PAK4: variants seen among roughly 807,000 people sequenced by gnomAD.
PAK4 encodes p21 (RAC1) activated kinase 4, also known as serine/threonine-protein kinase PAK 4.
Under a neutral mutation model 53.5 loss-of-function variants are expected in PAK4, and 49 were observed. The ratio of observed to expected loss-of-function variants is 0.92; its 90% confidence interval spans 0.73 to 1.16. The LOEUF (loss-of-function observed/expected upper bound fraction) is 1.16, where lower values mean the gene tolerates loss of function less well. PAK4 is among the 50% of genes most tolerant of loss of function. The pLI, the probability that PAK4 is intolerant of heterozygous loss-of-function variation, is 0.00. For missense variants in PAK4, 824 were observed against 850.7 expected (o/e 0.97, Z 0.39); for synonymous variants, 376 against 375.6 (o/e 1.00, Z -0.01).
Position 39,173,804 on chromosome 19 carries a change from C to A in PAK4, c.892C>A (p.Arg298=). ...CCGCTCACCACAGCGGGAGCCACAG[C>A]GAGTATCCCATGAGCAGTTCCGGGC... Residue 298 remains arginine, a synonymous_variant, in exon 4 of 9, where the codon CGA becomes AGA. Coordinates refer to ENST00000358301, the Ensembl canonical transcript of PAK4. The surrounding 1 kb of genome is among the most constrained non-coding windows in gnomAD (Gnocchi z 6.9). 6.2e-7 allele frequency: 1 copy of A among 1,610,642 alleles called. No homozygotes were observed. Among genetic ancestry groups the A allele is most frequent in the Non-Finnish European group, 8.5e-7 (1 of 1,179,282 alleles).
At chr19:39,126,690 C>T (rs1411063378) in intron 1 of PAK4, among the ~76,000 whole-genome samples, 1 of 152,092 alleles carries the variant, frequency 6.6e-6, no homozygotes, top group Non-Finnish European at 1.5e-5. Flanking sequence ...ATTCTAACTC[C>T]GGAGTTCTGG....
intron 1 of PAK4, among the ~76,000 whole-genome samples, chr19:39,167,612 TG>T (rs1296713897): frequency 6.6e-6 from 1 of 152,130 alleles, no homozygotes; most frequent in Non-Finnish European, 1.5e-5. Flanking sequence ...CTGGGAGCCT[TG>T]GCCAGGCCCG....
intron 1 of PAK4, among the ~76,000 whole-genome samples, chr19:39,166,908 C>T (rs1218922241): frequency 6.6e-6 from 1 of 152,244 alleles, no homozygotes; most frequent in African/African-American, 2.4e-5. Flanking sequence ...TTCAGTTCCT[C>T]TGTTTGTCCT....
chr19:39,131,105 G>A (rs1294922431), intron 1 of PAK4, among the ~76,000 whole-genome samples: 4 of 152,096 alleles, frequency 2.6e-5, no homozygotes, highest in Admixed American at 6.5e-5. Flanking sequence ...AGAGAGGTAC[G>A]GGACTTGCTT....
chr19:39,171,500 C>T (rs2074478565), intron 2 of PAK4, among the ~76,000 whole-genome samples: 1 of 152,220 alleles, frequency 6.6e-6, no homozygotes, highest in Admixed American at 6.5e-5. Flanking sequence ...CTGCTTCTTG[C>T]CTCAACGCCC....
At chr19:39,160,419 G>T (rs578048625) in intron 1 of PAK4, among the ~76,000 whole-genome samples, 52 of 152,340 alleles carry the variant, frequency 3.4e-4, no homozygotes, top group African/African-American at 1.2e-3. Context: ...GGCACTGCCA[G>T]TCAGTAGGTG....
chr19:39,126,126 G>A (rs1207295028), intron 1 of PAK4, among the ~76,000 whole-genome samples: 3 of 152,100 alleles, frequency 2.0e-5, no homozygotes, highest in African/African-American at 7.2e-5. Flanking sequence ...CGTGGCGAAG[G>A]GGAGTGCAAA....
chr19:39,150,732 AT>A (rs1435898117), intron 1 of PAK4, among the ~76,000 whole-genome samples: 1 of 152,132 alleles, frequency 6.6e-6, no homozygotes, highest in Admixed American at 6.6e-5. Flanking sequence ...TCTAAAAAAA[AT>A]AAATTAATAA....
chr19:39,152,334 C>T (rs1179160399), intron 1 of PAK4: 1 of 152,188 alleles, frequency 6.6e-6, no homozygotes, highest in Admixed American at 6.5e-5. Flanking sequence ...TCTGTGGCTA[C>T]TCAGTAGCTT....
intron 1 of PAK4, among the ~76,000 whole-genome samples, chr19:39,157,633 T>C (rs1049064106): frequency 1.3e-5 from 2 of 152,230 alleles, no homozygotes; most frequent in East Asian, 3.8e-4. Context: ...ACGGAGGCTC[T>C]TGGTAAATGT....
At chr19:39,167,428 G>A (rs2074395681) in intron 1 of PAK4, among the ~76,000 whole-genome samples, 1 of 152,166 alleles carries the variant, frequency 6.6e-6, no homozygotes, top group East Asian at 1.9e-4. Flanking sequence ...AAAGCCATGA[G>A]AGAGTAGGTC....
Position 39,175,102 on chromosome 19 carries a change from C to T in PAK4, c.1232+38C>T, listed in dbSNP as rs1600409365. On this transcript the variant is annotated intron_variant, in intron 5 of 8. Transcript: ENST00000358301. The surrounding 1 kb of genome is among the most constrained non-coding windows in gnomAD (Gnocchi z 4.7). ...CCTCAGACCCCTCCTGTGACACGAC[C>T]AAGTCCCCTCCAGACCACTAGGGGT... 1 of 1,580,418 alleles carries T rather than the reference C, an allele frequency of 6.3e-7. No homozygotes were observed. The highest frequency in any genetic ancestry group is 8.6e-7 in the Non-Finnish European group (1 of 1,162,700).
intron 1 of PAK4, among the ~76,000 whole-genome samples, chr19:39,141,445 A>G (rs2073908081): frequency 6.7e-6 from 1 of 150,168 alleles, no homozygotes; most frequent in South Asian, 2.1e-4. Context: ...CCTCCCGAGT[A>G]GCTGGGACTA....
At chr19:39,172,443 C>G (rs373273946) in intron 2 of PAK4, among the ~76,000 whole-genome samples, 1 of 152,148 alleles carries the variant, frequency 6.6e-6, no homozygotes, top group Non-Finnish European at 1.5e-5. Flanking sequence ...CCCTGTCCCC[C>G]ACTCCTTGTT....
chr19:39,149,795 G>C (rs973181971), intron 1 of PAK4, among the ~76,000 whole-genome samples: 4 of 152,194 alleles, frequency 2.6e-5, no homozygotes, highest in Non-Finnish European at 5.9e-5. Context: ...GGCGGAGGTT[G>C]CAGTGAGCTG....
intron 8 of PAK4, 27 bp downstream of exon 9, chr19:39,177,836 G>A (rs369883675): frequency 6.3e-7 from 1 of 1,590,422 alleles, no homozygotes; most frequent in Non-Finnish European, 8.6e-7. Flanking sequence ...CTGGGAAACT[G>A]TGCGCCAGCT....
rs916899674 is a variant in PAK4, at chr19:39,178,128, A to G, written c.1621-296A>G. The stretch of plus-strand genomic sequence containing the variant: ...TAGTGGAGGACTTGCCAGGAGGGAA[A>G]GGGGCACCTCTGGGCCCCAGTTGCT... On this transcript the variant is annotated intron_variant, in intron 8 of 8. Transcript: ENST00000358301. This position sits in a 1 kb window ranked among gnomAD's most constrained non-coding sequence, Gnocchi z 4.4. Among the ~76,000 whole-genome samples the G allele has an allele frequency of 1.3e-5, 2 of 152,146 alleles. No individual in the cohort carries two copies. Among genetic ancestry groups the G allele is most frequent in the African/African-American group, 4.8e-5 (2 of 41,414 alleles).
At chr19:39,127,780 C>T (rs1474239091) in intron 1 of PAK4, among the ~76,000 whole-genome samples, 1 of 152,176 alleles carries the variant, frequency 6.6e-6, no homozygotes, top group African/African-American at 2.4e-5. Flanking sequence ...CGGGAGAGTG[C>T]CCCTACCCTG....
chr19:39,157,857 A>C (rs1273268587), intron 1 of PAK4, among the ~76,000 whole-genome samples: 1 of 152,210 alleles, frequency 6.6e-6, no homozygotes, highest in African/African-American at 2.4e-5. Context: ...TGACCAGTTC[A>C]TGTGCCTGGA....
Sources: gnomAD v4.1 joint callset for allele counts (sites outside exome capture counted in the v4.1 genomes callset) on GRCh38, gnomAD v4.1.1 for gene constraint, Gnocchi (gnomAD v3.1) non-coding constraint, MANE v1.5 for transcripts, NCBI Gene and HGNC (gene_info 2026-07-23, HGNC 2026-07-21) for gene names.